The following GABBR2 variants were observed in gnomAD, a reference collection of about 807,000 sequenced individuals.
The protein encoded by GABBR2 is gamma-aminobutyric acid type B receptor subunit 2, also known as G-protein coupled receptor 51.
In GABBR2, 23 loss-of-function variants were observed where a neutral mutation model predicts 105.6. That is an observed-to-expected ratio of 0.22 (90% CI 0.16 to 0.31). The LOEUF is 0.31. GABBR2 is among the 10% of genes least tolerant of loss of function. GABBR2 has a pLI of 1.00. For synonymous variants in GABBR2, 478 were observed against 499.7 expected, an observed-to-expected ratio of 0.96 and a Z score of 0.58; for missense variants, 734 against 1,245.5, an observed-to-expected ratio of 0.59 and a Z score of 6.18.
intron 2 of GABBR2, among the ~76,000 whole-genome samples, chr9:98,548,334 C>T (rs1376865227): frequency 1.7e-5 from 2 of 120,052 alleles, no homozygotes; most frequent in African/African-American, 5.3e-5. Flanking sequence ...AGGCTTTCAC[C>T]TTAGGCTGGT....
At chr9:98,409,194 C>T (rs970561513) in intron 7 of GABBR2, among the ~76,000 whole-genome samples, 1 of 152,160 alleles carries the variant, frequency 6.6e-6, no homozygotes, top group Non-Finnish European at 1.5e-5. Flanking sequence ...GGGGCCAGGT[C>T]ACATTGCCCC....
intron 3 of GABBR2, among the ~76,000 whole-genome samples, chr9:98,513,417 A>C (rs1827692665): frequency 6.6e-6 from 1 of 152,158 alleles, no homozygotes; most frequent in South Asian, 2.1e-4. Context: ...GGATCTAATT[A>C]AACTAAAGAA....
At chr9:98,473,546 A>G (rs1826728814) in intron 5 of GABBR2, among the ~76,000 whole-genome samples, 200 bp from the exon 6 acceptor site, 1 of 152,212 alleles carries the variant, frequency 6.6e-6, no homozygotes, top group Non-Finnish European at 1.5e-5. Flanking sequence ...AATAATAAGT[A>G]CTGAATAAAA....
intron 6 of GABBR2, among the ~76,000 whole-genome samples, chr9:98,457,308 A>G (rs1307209101): frequency 6.6e-6 from 1 of 152,208 alleles, no homozygotes; most frequent in Admixed American, 6.5e-5. Flanking sequence ...ACGACACTGG[A>G]GCAGCCTTCA....
intron 4 of GABBR2, among the ~76,000 whole-genome samples, chr9:98,482,574 G>T (rs1826948044): frequency 6.6e-6 from 1 of 152,164 alleles, no homozygotes; most frequent in South Asian, 2.1e-4. Flanking sequence ...CATCCAGCAA[G>T]TATCTATTGA....
intron 7 of GABBR2, among the ~76,000 whole-genome samples, chr9:98,453,745 G>T (rs992897191): frequency 6.6e-6 from 1 of 152,162 alleles, no homozygotes; most frequent in Non-Finnish European, 1.5e-5. Flanking sequence ...GCAAGTACCT[G>T]GCTCTATGCC....
chr9:98,626,105 AC>A (rs1829732942), intron 1 of GABBR2, among the ~76,000 whole-genome samples: 2 of 152,194 alleles, frequency 1.3e-5, no homozygotes, highest in Non-Finnish European at 2.9e-5. Context: ...TCGGAAGTGA[AC>A]CTTGAAAACA....
At chr9:98,701,374 T>G (rs936672617) in intron 1 of GABBR2, among the ~76,000 whole-genome samples, 2 of 152,148 alleles carry the variant, frequency 1.3e-5, no homozygotes, top group East Asian at 3.8e-4. Context: ...GGGGCGCTCA[T>G]ATTGCCCTCA....
intron 2 of GABBR2, among the ~76,000 whole-genome samples, chr9:98,577,205 T>G (rs564457440): frequency 9.9e-4 from 150 of 151,274 alleles, no homozygotes; most frequent in African/African-American, 3.6e-3. Flanking sequence ...GGTGAATGGA[T>G]GGATGGATGG....
rs1274999596 is a variant in GABBR2 at position 98,659,524 on chromosome 9, TTC to T, written c.321+48891_321+48892del. ...ACAACCTTTTTTCTTTTCTTTTCTT[TTC>T]TTTTTTTTTTTTTTTGACTGAGTCT... On this transcript the variant is annotated intron_variant, in intron 1 of 18. Coordinates refer to ENST00000259455, the MANE Select transcript of GABBR2 (RefSeq NM_005458.8). 9.7e-3 allele frequency among the ~76,000 whole-genome samples: 501 copies of T among 51,710 alleles called. 30 individuals carry two copies. Among genetic ancestry groups the T allele is most frequent in the African/African-American group, 0.021 (289 of 13,910 alleles). The allele number at this position is 51,710 out of a possible 152,430, so 33.9% of individuals were successfully genotyped here. A position where few individuals can be genotyped will look rare whatever the true frequency, so the allele number is the denominator to read the frequency against.
At chr9:98,336,003 G>A (rs940551348) in intron 13 of GABBR2, among the ~76,000 whole-genome samples, 4 of 152,198 alleles carry the variant, frequency 2.6e-5, no homozygotes, top group African/African-American at 7.2e-5. Flanking sequence ...ACATTCTAGT[G>A]GATGATAGAA....
intron 1 of GABBR2, among the ~76,000 whole-genome samples, chr9:98,693,081 G>A (rs1255100482): frequency 1.3e-5 from 2 of 152,120 alleles, no homozygotes; most frequent in Non-Finnish European, 2.9e-5. Context: ...TCCTCACCCG[G>A]ACACCTCGAG....
chr9:98,646,861 T>C lies in GABBR2; in HGVS notation c.321+61556A>G, dbSNP rs111995960. ...TCTTGTCCCCACAGGGCATCAAAAG[T>C]AGGCCTTCAGTGATGAGCAATGCCA... On this transcript the variant is annotated intron_variant, in intron 1 of 18. Transcript: ENST00000259455. Among the ~76,000 whole-genome samples the C allele has an allele frequency of 2.8e-3, 426 of 152,244 alleles. 1 individual carries two copies. The highest frequency in any genetic ancestry group is 9.7e-3 in the African/African-American group (405 of 41,552).
intron 4 of GABBR2, among the ~76,000 whole-genome samples, chr9:98,483,581 C>A (rs1488967990): frequency 6.6e-6 from 1 of 152,208 alleles, no homozygotes; most frequent in Non-Finnish European, 1.5e-5. Flanking sequence ...ATTTCTCATA[C>A]CCTGCCTTGG....
intron 11 of GABBR2, among the ~76,000 whole-genome samples, chr9:98,376,400 A>G (rs10818845): frequency 0.32 from 49,062 of 152,136 alleles, 10,402 homozygotes; most frequent in African/African-American, 0.61. Context: ...GTCAGATGGA[A>G]GAGCAAGCCC....
At chr9:98,449,621 T>C (rs1481189748) in intron 7 of GABBR2, among the ~76,000 whole-genome samples, 1 of 152,160 alleles carries the variant, frequency 6.6e-6, no homozygotes, top group Non-Finnish European at 1.5e-5. Flanking sequence ...CTCATGCCTT[T>C]AGAAGGTTAA....
At chr9:98,530,149 C>T (rs752351011) in intron 3 of GABBR2, among the ~76,000 whole-genome samples, 3 of 152,176 alleles carry the variant, frequency 2.0e-5, no homozygotes, top group African/African-American at 4.8e-5. Flanking sequence ...CAACGTGTCC[C>T]GGGAAGGGTG....
intron 3 of GABBR2, among the ~76,000 whole-genome samples, chr9:98,501,450 C>T (rs1206805994): frequency 1.3e-5 from 2 of 152,208 alleles, no homozygotes; most frequent in African/African-American, 4.8e-5. Context: ...TAGGCGTGAG[C>T]CACTGCACGT....
At chr9:98,444,965 G>T (rs1403115269) in intron 7 of GABBR2, among the ~76,000 whole-genome samples, 3 of 152,214 alleles carry the variant, frequency 2.0e-5, no homozygotes, top group Non-Finnish European at 4.4e-5. Context: ...ATCACTATTA[G>T]CAGATTCAAG....
Sources: gnomAD v4.1 joint callset for allele counts (sites outside exome capture counted in the v4.1 genomes callset) on GRCh38, gnomAD v4.1.1 for gene constraint, MANE v1.5 for transcripts, NCBI Gene and HGNC (gene_info 2026-07-23, HGNC 2026-07-21) for gene names.